SEMA3D: variants seen among roughly 807,000 people sequenced by gnomAD.
The protein encoded by SEMA3D is semaphorin 3D.
Under a neutral mutation model 100.1 loss-of-function variants are expected in SEMA3D, and 84 were observed. That is an observed-to-expected ratio of 0.84 (90% CI 0.70 to 1.01). The LOEUF (loss-of-function observed/expected upper bound fraction) is 1.01. Ranked by LOEUF, SEMA3D falls within the 50% of genes least tolerant of loss-of-function variation. SEMA3D has a pLI of 0.00. For missense variants in SEMA3D, 875 were observed against 934.1 expected (o/e 0.94, Z 0.82); for synonymous variants, 312 against 320.7 (o/e 0.97, Z 0.29).
the SEMA3D span, among the ~76,000 whole-genome samples, chr7:85,246,436 C>A: frequency 4.3e-3 from 659 of 152,000 alleles, 5 homozygotes; most frequent in African/African-American, 0.015. Flanking sequence ...TTCTGTGGAG[C>A]TGTGAATCAT....
At chr7:85,116,372 A>G (rs1483843841) in intron 3 of SEMA3D, among the ~76,000 whole-genome samples, 2 of 146,604 alleles carry the variant, frequency 1.4e-5, no homozygotes, top group African/African-American at 2.5e-5. Context: ...ATATTTATAT[A>G]TATTTATATA....
intron 12 of SEMA3D, chr7:85,029,464 A>T (rs1279161769): frequency 2.8e-6 from 2 of 725,964 alleles, no homozygotes; most frequent in Non-Finnish European, 5.1e-6. Flanking sequence ...CAAACAGAAG[A>T]TTCTTAGCAA....
rs201076704 is a variant in SEMA3D at position 84,999,413 on chromosome 7, A to C, written c.*27T>G. The stretch of plus-strand genomic sequence containing the variant: ...AAGGCAATGTTTTTATAGGTAAGGA[A>C]TTCTTTTCTTTAAATTAAGTAGAAA... On this transcript the variant is annotated 3_prime_UTR_variant, in exon 19 of 19. Transcript: ENST00000284136. 3.8e-6 allele frequency: 6 copies of C among 1,582,286 alleles called. No individual in the cohort carries two copies. In the East Asian group the frequency reaches 1.3e-4, roughly 35 times the overall value.
intron 12 of SEMA3D, chr7:85,029,210 T>C (rs1210110235): frequency 2.8e-6 from 2 of 708,226 alleles, no homozygotes; most frequent in Non-Finnish European, 5.3e-6. Context: ...ATGGTGCTCA[T>C]CAGATTGAAG....
chr7:85,062,403 C>G (rs1232417649), intron 8 of SEMA3D, among the ~76,000 whole-genome samples: 2 of 151,842 alleles, frequency 1.3e-5, no homozygotes, highest in Non-Finnish European at 2.9e-5. Flanking sequence ...AAATGGTAAC[C>G]ATAGAAAGAA....
chr7:85,009,050 A>T (rs1047413199), intron 17 of SEMA3D, among the ~76,000 whole-genome samples: 1 of 151,740 alleles, frequency 6.6e-6, no homozygotes, highest in Non-Finnish European at 1.5e-5. Context: ...ATTTCAGATA[A>T]GGAATATTCA....
intron 3 of SEMA3D, among the ~76,000 whole-genome samples, chr7:85,107,338 T>C (rs1436664903): frequency 6.6e-6 from 1 of 152,116 alleles, no homozygotes; most frequent in African/African-American, 2.4e-5. Context: ...GGTAAAGGTG[T>C]GCAGAGAATT....
chr7:85,087,139 G>C (rs147356049), intron 4 of SEMA3D, among the ~76,000 whole-genome samples: 2 of 152,290 alleles, frequency 1.3e-5, no homozygotes, highest in African/African-American at 4.8e-5. Context: ...ACATGGCCCT[G>C]TTTCTAAAAG....
At chr7:85,120,281 T>C (rs941693398) in intron 3 of SEMA3D, among the ~76,000 whole-genome samples, 16 of 152,186 alleles carry the variant, frequency 1.1e-4, no homozygotes, top group African/African-American at 3.6e-4. Context: ...AAACTGTTAA[T>C]GTTCACTTGA....
chr7:85,105,346 T>C (rs1460813429), intron 3 of SEMA3D, among the ~76,000 whole-genome samples: 1 of 152,066 alleles, frequency 6.6e-6, no homozygotes, highest in African/African-American at 2.4e-5. Flanking sequence ...GGATTCTCTC[T>C]TAGATTTAAC....
chr7:85,009,227 C>T (rs572830439), intron 17 of SEMA3D, among the ~76,000 whole-genome samples: 1 of 151,532 alleles, frequency 6.6e-6, no homozygotes, highest in South Asian at 2.1e-4. Context: ...GCCTAGAATA[C>T]CTCTTTATAA....
the SEMA3D span, among the ~76,000 whole-genome samples, chr7:85,241,155 A>T: frequency 1.1e-4 from 16 of 152,134 alleles, no homozygotes; most frequent in African/African-American, 3.9e-4. Flanking sequence ...TAATAAAAAA[A>T]TCAAAAAATA....
the SEMA3D span, among the ~76,000 whole-genome samples, chr7:85,212,634 A>G: frequency 7.2e-5 from 11 of 152,006 alleles, no homozygotes; most frequent in Non-Finnish European, 1.6e-4. Flanking sequence ...TCTTTTTAAT[A>G]TTAAAATTTT....
chr7:85,049,631 G>A (rs1179441002), intron 9 of SEMA3D, among the ~76,000 whole-genome samples: 3 of 151,802 alleles, frequency 2.0e-5, no homozygotes, highest in Non-Finnish European at 2.9e-5. Context: ...TCTCATTTAG[G>A]TTGTAAGTGA....
chr7:85,121,933 T>TA lies in SEMA3D; in HGVS notation c.-40-3dup. The TA allele has an allele frequency of 2.3e-6, 3 of 1,321,480 alleles. No homozygotes were observed. Among genetic ancestry groups the TA allele is most frequent in the East Asian group, 2.6e-5 (1 of 38,092 alleles). The allele number at this position is 1,321,480 out of a possible 1,614,324, so 81.9% of individuals were successfully genotyped here. A position where few individuals can be genotyped will look rare whatever the true frequency, so the allele number is the denominator to read the frequency against. ...TCTTTCAAATGGTGTTAATTTAATC[T>TA]AAAAAAGAGTAAAAAAAAAAAAACT... is the stretch of plus-strand genomic sequence containing the variant. On this transcript the variant is annotated splice_polypyrimidine_tract_variant and splice_region_variant and intron_variant, in intron 2 of 18. Coordinates refer to ENST00000284136, the MANE Select transcript of SEMA3D (RefSeq NM_001384900.1).
the SEMA3D span, among the ~76,000 whole-genome samples, chr7:85,203,717 G>A: frequency 3.3e-5 from 5 of 152,110 alleles, no homozygotes; most frequent in African/African-American, 7.2e-5. Flanking sequence ...AAACAAGTTT[G>A]TAAAAGTAGA....
At chr7:85,077,904 C>T (rs1583900686) in intron 5 of SEMA3D, among the ~76,000 whole-genome samples, 1 of 152,212 alleles carries the variant, frequency 6.6e-6, no homozygotes, top group South Asian at 2.1e-4. Context: ...TGTACAGTGT[C>T]ATTTTCAATA....
chr7:85,236,811 T>TTTGAAATAAGCTCAAAA, the SEMA3D span, among the ~76,000 whole-genome samples: 6 of 152,136 alleles, frequency 3.9e-5, no homozygotes, highest in Non-Finnish European at 7.4e-5. Context: ...AGCCAGATAA[T>TTTGAAATAAGCTCAAAA]GTATCAATTT....
At chr7:85,213,513 T>A in the SEMA3D span, among the ~76,000 whole-genome samples, 3 of 152,056 alleles carry the variant, frequency 2.0e-5, no homozygotes, top group East Asian at 5.8e-4. Flanking sequence ...GATTACTTAC[T>A]TGTTTTTACA....
Sources: gnomAD v4.1 joint callset for allele counts (sites outside exome capture counted in the v4.1 genomes callset) on GRCh38, gnomAD v4.1.1 for gene constraint, MANE v1.5 for transcripts, NCBI Gene and HGNC (gene_info 2026-07-23, HGNC 2026-07-21) for gene names.